The following DIS3L2 variants were observed in gnomAD, a reference collection of about 807,000 sequenced individuals.
The protein encoded by DIS3L2 is DIS3 like 3'-5' exoribonuclease 2.
In DIS3L2, 34 loss-of-function variants were observed where a neutral mutation model predicts 97.5. The ratio of observed to expected loss-of-function variants is 0.35; its 90% confidence interval spans 0.27 to 0.46. DIS3L2 has a LOEUF of 0.46. Among genes scored for constraint, DIS3L2 ranks in the 20% least tolerant of loss-of-function variants. The pLI, the probability that DIS3L2 is intolerant of heterozygous loss-of-function variation, is 1.00. For synonymous variants in DIS3L2, 435 were observed against 445.2 expected (o/e 0.98, Z 0.29); for missense variants, 1,038 against 1,146.0 (o/e 0.91, Z 1.36).
At chr2:232,005,361 A>G (rs72987617) in intron 1 of DIS3L2, among the ~76,000 whole-genome samples, 2,137 of 152,214 alleles carry the variant, frequency 0.014, 23 homozygotes, top group Non-Finnish European at 0.021. Flanking sequence ...CTAAGGGGTC[A>G]GCCTGAGACT....
At chr2:232,284,750 A>G (rs1217445982) in intron 13 of DIS3L2, among the ~76,000 whole-genome samples, 1 of 150,966 alleles carries the variant, frequency 6.6e-6, no homozygotes, top group Non-Finnish European at 1.5e-5. Flanking sequence ...CTGTCCTGCC[A>G]GACCTGAGGC....
chr2:232,188,938 A>G (rs1388507670), intron 9 of DIS3L2, among the ~76,000 whole-genome samples: 1 of 152,256 alleles, frequency 6.6e-6, no homozygotes, highest in African/African-American at 2.4e-5. Context: ...AAGAGGATAT[A>G]CAAATGGAAA....
intron 6 of DIS3L2, among the ~76,000 whole-genome samples, chr2:232,102,800 C>T (rs939047512): frequency 6.6e-6 from 1 of 152,164 alleles, no homozygotes. Context: ...CCATCTTTGG[C>T]CCTGAAGTAA....
chr2:232,302,184 C>T (rs1317493602), intron 14 of DIS3L2, among the ~76,000 whole-genome samples: 1 of 150,908 alleles, frequency 6.6e-6, no homozygotes, highest in Non-Finnish European at 1.5e-5. Flanking sequence ...GGGAACTGAA[C>T]AATGAGAACA....
chr2:232,201,736 G>A (rs1691899027), intron 9 of DIS3L2, among the ~76,000 whole-genome samples: 1 of 152,182 alleles, frequency 6.6e-6, no homozygotes, highest in African/African-American at 2.4e-5. Flanking sequence ...GCATGTTAAA[G>A]TATGGAGAGG....
intron 3 of DIS3L2, among the ~76,000 whole-genome samples, chr2:232,019,782 G>GCGTA (rs1037846423): frequency 2.0e-5 from 3 of 151,932 alleles, no homozygotes; most frequent in African/African-American, 7.3e-5. Context: ...TCAGTGCCAA[G>GCGTA]CGTATACCAG....
chr2:232,201,464 CA>C (rs1691891281), intron 9 of DIS3L2, among the ~76,000 whole-genome samples: 1 of 152,094 alleles, frequency 6.6e-6, no homozygotes, highest in African/African-American at 2.4e-5. Flanking sequence ...CTGGACTCTT[CA>C]GAATAAAAAA....
intron 6 of DIS3L2, among the ~76,000 whole-genome samples, chr2:232,116,012 A>G (rs1697695324): frequency 6.6e-6 from 1 of 152,026 alleles, no homozygotes; most frequent in Non-Finnish European, 1.5e-5. Context: ...TTTCTACTAA[A>G]AATACAAAAA....
intron 5 of DIS3L2, among the ~76,000 whole-genome samples, chr2:232,086,718 C>T (rs1054403262): frequency 1.4e-4 from 20 of 145,654 alleles, no homozygotes; most frequent in African/African-American, 5.2e-4. Context: ...CTCTGTCACC[C>T]AGACTGGATG....
intron 14 of DIS3L2, among the ~76,000 whole-genome samples, chr2:232,316,513 G>T (rs1290847287): frequency 5.9e-5 from 9 of 152,106 alleles, no homozygotes; most frequent in Admixed American, 5.2e-4. Context: ...CTCCAAGCAT[G>T]AGGCTTTGTG....
chr2:232,320,136 G>A (rs1212862329), intron 14 of DIS3L2, among the ~76,000 whole-genome samples: 8 of 126,088 alleles, frequency 6.3e-5, no homozygotes, highest in Non-Finnish European at 9.6e-5. Flanking sequence ...TCAGTGCCAC[G>A]TGGGGTGGGC....
At chr2:232,250,031 G>C (rs546902041) in intron 12 of DIS3L2, among the ~76,000 whole-genome samples, 8 of 152,282 alleles carry the variant, frequency 5.3e-5, no homozygotes, top group African/African-American at 1.4e-4. Flanking sequence ...GCGTATCATA[G>C]GGAACGGCAG....
chr2:232,302,483 G>A (rs1694881207), intron 14 of DIS3L2, among the ~76,000 whole-genome samples: 1 of 151,558 alleles, frequency 6.6e-6, no homozygotes, highest in African/African-American at 2.4e-5. Flanking sequence ...GTCAGTCTTA[G>A]GGTTCATTCT....
At chr2:232,080,080 T>C (rs1003923116) in intron 5 of DIS3L2, among the ~76,000 whole-genome samples, 45 of 152,306 alleles carry the variant, frequency 3.0e-4, no homozygotes, top group Admixed American at 1.2e-3. Flanking sequence ...AGCGTGGCAA[T>C]AAAGGTTGTT....
intron 20 of DIS3L2, 121 bp downstream of exon 20, chr2:232,335,995 T>TG: frequency 2.6e-6 from 4 of 1,527,472 alleles, no homozygotes; most frequent in Non-Finnish European, 3.5e-6. Context: ...GCCTCCCGGG[T>TG]GGGGTTTTAG....
rs181102317 is a variant in DIS3L2 at position 232,202,238 on chromosome 2, A to C, written c.1125-8088A>C. ...CATGGTGAAACCCCATCTCTACTAA[A>C]AATGCAAAAATTAGCTGAGTGTGGT... On this transcript the variant is annotated intron_variant, in intron 9 of 20. Coordinates refer to ENST00000325385, the MANE Select transcript of DIS3L2 (RefSeq NM_152383.5). Among the ~76,000 whole-genome samples the C allele has an allele frequency of 3.3e-5, 5 of 152,284 alleles. No individual in the cohort carries two copies. In the East Asian group the frequency reaches 9.7e-4, roughly 29 times the overall value.
At chr2:232,146,769 C>T (rs907134277) in intron 8 of DIS3L2, among the ~76,000 whole-genome samples, 3 of 152,122 alleles carry the variant, frequency 2.0e-5, no homozygotes, top group African/African-American at 4.8e-5. Context: ...AGGAGGAAGA[C>T]AGAAGTGAAT....
At chr2:232,161,701 C>T (rs1690657206) in intron 8 of DIS3L2, among the ~76,000 whole-genome samples, 1 of 152,012 alleles carries the variant, frequency 6.6e-6, no homozygotes, top group Non-Finnish European at 1.5e-5. Flanking sequence ...AAACTCCTAG[C>T]CTCAAGTGAT....
intron 13 of DIS3L2, among the ~76,000 whole-genome samples, chr2:232,342,637 G>A (rs996113242): frequency 1.3e-5 from 2 of 152,248 alleles, no homozygotes; most frequent in African/African-American, 4.8e-5. Flanking sequence ...TCTAGCAACA[G>A]ATAAAATTCC....
Sources: allele counts gnomAD v4.1 joint callset (sites outside exome capture counted in the v4.1 genomes callset), GRCh38; gene constraint gnomAD v4.1.1; transcripts MANE v1.5; gene names NCBI Gene and HGNC (gene_info 2026-07-23, HGNC 2026-07-21).